PDE4D: variants seen among roughly 807,000 people sequenced by gnomAD.
PDE4D encodes the protein phosphodiesterase 4D, also known as 3',5'-cyclic-AMP phosphodiesterase 4D.
In PDE4D, 24 loss-of-function variants were observed where a neutral mutation model predicts 87.4. The ratio of observed to expected loss-of-function variants is 0.27; its 90% CI spans 0.20 to 0.39. PDE4D has a LOEUF of 0.39. Among genes scored for constraint, PDE4D ranks in the 10% least tolerant of loss-of-function variants. The pLI is 1.00. For missense variants in PDE4D, 714 were observed against 1,041.0 expected, an observed-to-expected ratio of 0.69 and a Z score of 4.32; for synonymous variants, 384 against 383.2, an observed-to-expected ratio of 1.00 and a Z score of -0.02.
At position 59,741,503 on chromosome 5, in the gene PDE4D, G is replaced by T. The variant is rs114926936; in HGVS notation, c.455+151665C>A. Among the ~76,000 whole-genome samples the T allele has an allele frequency of 3.5e-3, 534 of 152,036 alleles. 4 individuals are homozygous for T. The highest frequency in any genetic ancestry group is 0.012 in the African/African-American group (517 of 41,462). On this transcript the variant is annotated intron_variant, in intron 1 of 14. Coordinates refer to ENST00000340635, the MANE Select transcript of PDE4D (RefSeq NM_001104631.2). Reference sequence around the variant, plus strand: ...TACTATTGACATTTTGGTGTTTCAGGGTAATACAATTTACTGAAAAAGAAG... The same window carrying T: ...TACTATTGACATTTTGGTGTTTCAGTGTAATACAATTTACTGAAAAAGAAG...
At chr5:60,175,809 T>C (rs1783855930) in intron 2 of PDE4D, among the ~76,000 whole-genome samples, 1 of 152,146 alleles carries the variant, frequency 6.6e-6, no homozygotes, top group South Asian at 2.1e-4. Flanking sequence ...ATCAGCAATG[T>C]GGCCTTCACA....
At chr5:59,866,543 G>C (rs1408277503) in intron 1 of PDE4D, among the ~76,000 whole-genome samples, 1 of 152,146 alleles carries the variant, frequency 6.6e-6, no homozygotes, top group East Asian at 1.9e-4. Flanking sequence ...TAGCACTCCG[G>C]AAGGCTGGGG....
At chr5:59,742,344 G>A (rs553409747) in intron 1 of PDE4D, among the ~76,000 whole-genome samples, 62 of 152,152 alleles carry the variant, frequency 4.1e-4, no homozygotes, top group Non-Finnish European at 6.2e-4. Context: ...GATTACAGGC[G>A]TGAGCCACTG....
intron 6 of PDE4D, among the ~76,000 whole-genome samples, chr5:59,023,315 T>G (rs1024270280): frequency 8.5e-5 from 13 of 152,116 alleles, no homozygotes; most frequent in Non-Finnish European, 1.8e-4. Flanking sequence ...ATAGATCTTA[T>G]AAAAGTTTAA....
At chr5:59,830,433 A>G (rs79432364) in intron 1 of PDE4D, among the ~76,000 whole-genome samples, 3,576 of 152,232 alleles carry the variant, frequency 0.023, 136 homozygotes, top group African/African-American at 0.082. Context: ...TGAATCAACC[A>G]TGGAAAAATA....
At chr5:60,321,540 A>G (rs1756271248) in intron 1 of PDE4D, among the ~76,000 whole-genome samples, 3 of 152,262 alleles carry the variant, frequency 2.0e-5, no homozygotes, top group Non-Finnish European at 4.4e-5. Flanking sequence ...TAAAACATTG[A>G]CAAATGGTAT....
chr5:59,950,501 GT>G (rs1758184248), intron 3 of PDE4D, among the ~76,000 whole-genome samples: 1 of 151,898 alleles, frequency 6.6e-6, no homozygotes, highest in South Asian at 2.1e-4. Flanking sequence ...ATTTATCTTT[GT>G]GTCTCTCAAA....
intron 1 of PDE4D, among the ~76,000 whole-genome samples, chr5:59,637,399 A>G (rs1005707851): frequency 6.6e-6 from 1 of 152,180 alleles, no homozygotes; most frequent in African/African-American, 2.4e-5. Flanking sequence ...TACTGGGTAT[A>G]TAATCCCAAA....
chr5:59,963,563 C>CAGAT (rs11272569), intron 3 of PDE4D, among the ~76,000 whole-genome samples: 1 of 3,458 alleles, frequency 2.9e-4, no homozygotes, highest in African/African-American at 1.6e-3. Flanking sequence ...TTCTGAAGCA[C>CAGAT]TAAGTTAACC....
chr5:58,991,487 CT>C (rs1157287443), intron 8 of PDE4D, among the ~76,000 whole-genome samples: 2 of 152,088 alleles, frequency 1.3e-5, no homozygotes, highest in Non-Finnish European at 2.9e-5. Flanking sequence ...CATTTATGTA[CT>C]TTTTAAGTAT....
intron 1 of PDE4D, among the ~76,000 whole-genome samples, chr5:59,515,850 G>A (rs187643505): frequency 5.3e-4 from 80 of 152,270 alleles, no homozygotes; most frequent in Non-Finnish European, 9.7e-4. Flanking sequence ...GTACTGATGC[G>A]TGTCAAAGGT....
intron 2 of PDE4D, among the ~76,000 whole-genome samples, chr5:60,139,333 A>G (rs1780321213): frequency 6.6e-6 from 1 of 152,164 alleles, no homozygotes; most frequent in Non-Finnish European, 1.5e-5. Context: ...AGCAATGAAC[A>G]AATGATTAAC....
At chr5:59,107,411 G>A (rs62356694) in intron 5 of PDE4D, among the ~76,000 whole-genome samples, 36,446 of 152,028 alleles carry the variant, frequency 0.24, 5,066 homozygotes, top group Middle Eastern at 0.37. Context: ...GTTTCATCAT[G>A]TTGGCCAGGC....
At chr5:60,419,695 A>G (rs1742923885) in intron 1 of PDE4D, among the ~76,000 whole-genome samples, 1 of 152,198 alleles carries the variant, frequency 6.6e-6, no homozygotes, top group Non-Finnish European at 1.5e-5. Flanking sequence ...ATTGATACCT[A>G]TATATTTCTG....
chr5:59,378,697 G>A (rs1323404077), intron 1 of PDE4D, among the ~76,000 whole-genome samples: 3 of 152,170 alleles, frequency 2.0e-5, no homozygotes, highest in Non-Finnish European at 4.4e-5. Flanking sequence ...CAATCACGAG[G>A]AAAAGCTGGG....
intron 6 of PDE4D, among the ~76,000 whole-genome samples, chr5:58,998,535 G>A (rs1238765379): frequency 6.6e-6 from 1 of 152,102 alleles, no homozygotes; most frequent in Admixed American, 6.6e-5. Flanking sequence ...GATTTAAAGG[G>A]AGGTAAGGAA....
intron 5 of PDE4D, among the ~76,000 whole-genome samples, chr5:59,087,279 G>A (rs1218573625): frequency 6.6e-6 from 1 of 152,098 alleles, no homozygotes; most frequent in Non-Finnish European, 1.5e-5. Flanking sequence ...GAGACCAGGA[G>A]TTCGAGACCA....
chr5:59,362,502 C>T (rs191279910), intron 1 of PDE4D, among the ~76,000 whole-genome samples: 1 of 138,020 alleles, frequency 7.2e-6, no homozygotes, highest in Admixed American at 7.0e-5. Flanking sequence ...ACTTTGTTTA[C>T]AAGATCTAAA....
chr5:59,588,016 G>A (rs1380998937), intron 1 of PDE4D, among the ~76,000 whole-genome samples: 1 of 152,110 alleles, frequency 6.6e-6, no homozygotes, highest in Admixed American at 6.6e-5. Context: ...GCACCGGGGT[G>A]GGGAAGCCTT....
Sources: gnomAD v4.1 joint callset for allele counts (sites outside exome capture counted in the v4.1 genomes callset) on GRCh38, gnomAD v4.1.1 for gene constraint, MANE v1.5 for transcripts, NCBI Gene and HGNC (gene_info 2026-07-23, HGNC 2026-07-21) for gene names.